The following TBPL1 variants were observed in gnomAD, a reference collection of about 807,000 sequenced individuals.
TBPL1 encodes the protein TATA box-binding protein-like 1.
TBPL1 carries 4 observed loss-of-function variants against 22.1 expected under a neutral mutation model. The ratio of observed to expected loss-of-function variants is 0.18; its 90% CI spans 0.09 to 0.41. The LOEUF (loss-of-function observed/expected upper bound fraction) is 0.41, where lower values mean the gene tolerates loss of function less well. Among genes scored for constraint, TBPL1 ranks in the 10% least tolerant of loss-of-function variants. The probability of loss-of-function intolerance (pLI) is 1.00; values close to 1 mark genes in which losing one functional copy is unlikely to be tolerated. For missense variants in TBPL1, 115 were observed against 222.3 expected, an observed-to-expected ratio of 0.52 and a Z score of 3.07; for synonymous variants, 64 against 71.0, an observed-to-expected ratio of 0.90 and a Z score of 0.50.
intron 1 of TBPL1, among the ~76,000 whole-genome samples, chr6:133,956,949 A>G (rs899622229): frequency 6.6e-6 from 1 of 152,198 alleles, no homozygotes; most frequent in East Asian, 1.9e-4. Flanking sequence ...TGATTTTTGT[A>G]TTATTAACCA....
intron 1 of TBPL1, among the ~76,000 whole-genome samples, chr6:133,963,242 G>T (rs1447545109): frequency 3.3e-5 from 5 of 152,090 alleles, no homozygotes; most frequent in Non-Finnish European, 7.3e-5. Context: ...TATGGAGAGG[G>T]AAATTCCATT....
chr6:133,964,775 T>A (rs1776090265), intron 1 of TBPL1, among the ~76,000 whole-genome samples: 1 of 152,182 alleles, frequency 6.6e-6, no homozygotes, highest in African/African-American at 2.4e-5. Context: ...CCCAAGTAAC[T>A]AATTTCATAA....
At position 133,988,726 on chromosome 6, in the gene TBPL1, T is replaced by C. The variant is rs906973383; in HGVS notation, c.*1686T>C. On this transcript the variant is annotated 3_prime_UTR_variant, in exon 7 of 7. Coordinates refer to ENST00000237264, the MANE Select transcript of TBPL1 (RefSeq NM_004865.4). ...GAGATTTTTAGACTTGTATTTTTCC[T>C]TTTTTTTAAAAAAAAAGTGTTTATT... 8 of 151,114 alleles carry C rather than the reference T, an allele frequency of 5.3e-5. No individual in the cohort carries two copies. The highest frequency in any genetic ancestry group is 1.7e-4 in the African/African-American group (7 of 41,114). The allele number at this position is 151,114 out of a possible 1,614,324, so 9.4% of individuals were successfully genotyped here.
chr6:133,980,070 T>A lies in TBPL1; in HGVS notation c.-44-12T>A, dbSNP rs1776381906. 2.1e-6 allele frequency: 3 copies of A among 1,400,206 alleles called. No individual in the cohort carries two copies. The highest frequency in any genetic ancestry group is 2.8e-6 in the Non-Finnish European group (3 of 1,070,634). The allele number at this position is 1,400,206 out of a possible 1,614,324, so 86.7% of individuals were successfully genotyped here. A position where few individuals can be genotyped will look rare whatever the true frequency, so the allele number is the denominator to read the frequency against. ...TTTAAGTTTAATGACTTTATTTTGT[T>A]TTATTTCTCAGGATGTGATCTTCGT... is the stretch of plus-strand genomic sequence containing the variant. On this transcript the variant is annotated splice_polypyrimidine_tract_variant and intron_variant, in intron 1 of 6. Transcript: ENST00000237264.
At chr6:133,976,533 CT>C (rs892823119) in intron 1 of TBPL1, among the ~76,000 whole-genome samples, 2 of 152,034 alleles carry the variant, frequency 1.3e-5, no homozygotes, top group Non-Finnish European at 2.9e-5. Flanking sequence ...TATTGTTTTT[CT>C]TGTTTTAATT....
At chr6:133,982,737 A>T in intron 3 of TBPL1, 80 bp from the exon 4 acceptor site, 3 of 1,583,294 alleles carry the variant, frequency 1.9e-6, no homozygotes, top group Non-Finnish European at 2.6e-6. Flanking sequence ...GCAAAATCAT[A>T]TGTAAAGTTT....
At chr6:133,960,092 A>G (rs962652250) in intron 1 of TBPL1, among the ~76,000 whole-genome samples, 2 of 152,308 alleles carry the variant, frequency 1.3e-5, no homozygotes, top group East Asian at 3.9e-4. Flanking sequence ...TGACTTGTGT[A>G]CATGTACAAC....
chr6:133,956,099 A>G (rs3777893), intron 1 of TBPL1, among the ~76,000 whole-genome samples: 10,316 of 152,248 alleles, frequency 0.068, 934 homozygotes, highest in African/African-American at 0.2. Context: ...GAAGGATACC[A>G]GTAATAACCT....
intron 1 of TBPL1, among the ~76,000 whole-genome samples, chr6:133,968,212 C>T (rs556401035): frequency 5.9e-5 from 9 of 152,008 alleles, no homozygotes; most frequent in Non-Finnish European, 1.0e-4. Context: ...TGATCTCGAT[C>T]TCTTGACCTC....
At chr6:133,965,892 C>T (rs1019066620) in intron 1 of TBPL1, among the ~76,000 whole-genome samples, 8 of 152,050 alleles carry the variant, frequency 5.3e-5, no homozygotes, top group African/African-American at 1.9e-4. Flanking sequence ...CTGTGCCAAG[C>T]GCTTTATATG....
At chr6:133,962,649 A>G (rs150793912) in intron 1 of TBPL1, among the ~76,000 whole-genome samples, 1,888 of 152,338 alleles carry the variant, frequency 0.012, 21 homozygotes, top group Non-Finnish European at 0.017. Context: ...ATAGGTCAGG[A>G]TAGATGTAGG....
At chr6:133,970,800 T>TA (rs1308079441) in intron 1 of TBPL1, among the ~76,000 whole-genome samples, 1 of 152,120 alleles carries the variant, frequency 6.6e-6, no homozygotes. Flanking sequence ...TGAGTCTATC[T>TA]GTGTTGCCCA....
chr6:133,969,395 A>G (rs977216176), intron 1 of TBPL1, among the ~76,000 whole-genome samples: 1 of 152,004 alleles, frequency 6.6e-6, no homozygotes, highest in Non-Finnish European at 1.5e-5. Flanking sequence ...AATTATTCAC[A>G]TGAATGCTAC....
At position 133,980,149 on chromosome 6, in the gene TBPL1, A is replaced by T; in HGVS notation, c.24A>T (p.Ala8=). 2 of 1,598,314 alleles carry T rather than the reference A, an allele frequency of 1.3e-6. No individual in the cohort carries two copies. Among genetic ancestry groups the T allele is most frequent in the Non-Finnish European group, 1.7e-6 (2 of 1,173,232 alleles). ...CAATGGATGCAGACAGTGATGTTGC[A>T]TTGGACATTCTAATTACAAATGTAG... The part of the protein sequence containing the change: MDADSDV[A]LDILITNVVC... Residue 8 remains alanine, a synonymous_variant, in exon 2 of 7, where the codon GCA becomes GCT. Transcript: ENST00000237264.
In TBPL1 at chr6:133,962,336, A is replaced by G. The variant is rs148245966; in HGVS notation, c.-45+8911A>G. 8.4e-3 allele frequency among the ~76,000 whole-genome samples: 1,283 copies of G among 152,340 alleles called. 38 individuals carry two copies. The highest frequency in any genetic ancestry group is 0.062 in the Admixed American group (949 of 15,296). On this transcript the variant is annotated intron_variant, in intron 1 of 6. Coordinates refer to ENST00000237264, the MANE Select transcript of TBPL1 (RefSeq NM_004865.4). ...ATTAGAGCATGGAGAATGCAAGCAG[A>G]GAGTTCTATTAGAAGCCTGTAGCCA...
In TBPL1 at chr6:133,987,951, T is replaced by C. The variant is rs891306817; in HGVS notation, c.*911T>C. The C allele has an allele frequency of 1.3e-5, 2 of 152,186 alleles. No homozygotes were observed. The highest frequency in any genetic ancestry group is 2.9e-5 in the Non-Finnish European group (2 of 68,004). 9.4% of individuals were successfully genotyped at this position (152,186 alleles called of 1,614,324 possible). ...GAATGGTGCCTCATTTGGACCTTTG[T>C]TTTTCTGGAAAGACTCAACACCTGT... On this transcript the variant is annotated 3_prime_UTR_variant, in exon 7 of 7. Transcript: ENST00000237264.
intron 1 of TBPL1, among the ~76,000 whole-genome samples, chr6:133,977,632 G>A (rs1776337379): frequency 6.6e-6 from 1 of 152,214 alleles, no homozygotes. Flanking sequence ...CCTTGTGGTA[G>A]CTTATCCTCA....
At chr6:133,960,453 A>G (rs1776002420) in intron 1 of TBPL1, among the ~76,000 whole-genome samples, 1 of 150,144 alleles carries the variant, frequency 6.7e-6, no homozygotes, top group South Asian at 2.1e-4. Context: ...AAGAAATTCA[A>G]CACTACTCCT....
intron 1 of TBPL1, among the ~76,000 whole-genome samples, chr6:133,968,618 T>G (rs1197330244): frequency 6.6e-6 from 1 of 152,186 alleles, no homozygotes; most frequent in Non-Finnish European, 1.5e-5. Flanking sequence ...ACTAGTCCAC[T>G]GTCGTGTAGC....
Sources: allele counts gnomAD v4.1 joint callset (sites outside exome capture counted in the v4.1 genomes callset), GRCh38; gene constraint gnomAD v4.1.1; transcripts MANE v1.5; gene names NCBI Gene and HGNC (gene_info 2026-07-23, HGNC 2026-07-21).